Variants in ELP6 observed in about 807,000 individuals in gnomAD.
ELP6 encodes elongator acetyltransferase complex subunit 6.
ELP6 carries 23 observed loss-of-function variants against 28.1 expected under a neutral mutation model. The ratio of observed to expected loss-of-function variants is 0.82; its 90% CI spans 0.59 to 1.16. ELP6 has a LOEUF of 1.16. ELP6 is among the 50% of genes most tolerant of loss of function. The pLI, the probability that ELP6 is intolerant of heterozygous loss-of-function variation, is 0.00. For synonymous variants in ELP6, 132 were observed against 135.8 expected, an observed-to-expected ratio of 0.97 and a Z score of 0.19; for missense variants, 313 against 334.6, an observed-to-expected ratio of 0.94 and a Z score of 0.50.
Position 47,496,047 on chromosome 3 carries a change from C to A in ELP6, c.*22G>T, listed in dbSNP as rs1352282761. ...CACGTCCAAAAACAGTCCTATGTAG[C>A]TTCAGCTGCTCCGAAATCAGGTCAC... On this transcript the variant is annotated 3_prime_UTR_variant, in exon 7 of 7. Coordinates refer to ENST00000296149, the MANE Select transcript of ELP6 (RefSeq NM_001031703.3). 6.2e-7 allele frequency: 1 copy of A among 1,614,020 alleles called. No individual in the cohort carries two copies. Among genetic ancestry groups the A allele is most frequent in the Admixed American group, 1.7e-5 (1 of 59,990 alleles).
chr3:47,500,302 T>C (rs1036647313), intron 5 of ELP6: 52 of 999,478 alleles, frequency 5.2e-5, no homozygotes, highest in African/African-American at 7.0e-5. Context: ...TATGTGCATA[T>C]ACTTTGAGAG....
intron 1 of ELP6, chr3:47,512,744 C>T (rs1477526636): frequency 5.2e-6 from 5 of 964,890 alleles, no homozygotes; most frequent in Non-Finnish European, 6.2e-6. Flanking sequence ...TATTAGAGAT[C>T]ACAAGGAGGA....
At chr3:47,500,096 GA>G in intron 5 of ELP6, 4 of 1,209,832 alleles carry the variant, frequency 3.3e-6, no homozygotes, top group Non-Finnish European at 4.2e-6. Flanking sequence ...CGGCAGAAAG[GA>G]GGGACTGGCA....
chr3:47,508,613 T>C (rs960992437), intron 3 of ELP6, among the ~76,000 whole-genome samples: 16 of 152,166 alleles, frequency 1.1e-4, no homozygotes, highest in African/African-American at 3.6e-4. Context: ...TGGATTACAA[T>C]AGCTGATTTT....
chr3:47,511,020 C>G, intron 2 of ELP6, 128 bp downstream of exon 2: 1 of 717,514 alleles, frequency 1.4e-6, no homozygotes, highest in South Asian at 1.8e-5. Flanking sequence ...ATAAAATAGC[C>G]CCCCTAGGTA....
intron 1 of ELP6, chr3:47,511,476 A>G: frequency 1.5e-6 from 2 of 1,293,284 alleles, no homozygotes; most frequent in Non-Finnish European, 2.0e-6. Context: ...CCTCAAAGCA[A>G]ACAGAGAATA....
Position 47,513,676 on chromosome 3 carries a change from G to C in ELP6, c.-86C>G. 6.4e-7 allele frequency: 1 copy of C among 1,550,826 alleles called. No homozygotes were observed. The highest frequency in any genetic ancestry group is 8.8e-7 in the Non-Finnish European group (1 of 1,136,038). On this transcript the variant is annotated 5_prime_UTR_variant, in exon 1 of 7. Transcript: ENST00000296149. ...GCTGGAGAGCAAAACACACCCGACA[G>C]CCCGGCTCGCGCAAGGAAGCGCGCA...
At chr3:47,505,927 C>T (rs527954928) in intron 3 of ELP6, among the ~76,000 whole-genome samples, 4 of 152,172 alleles carry the variant, frequency 2.6e-5, no homozygotes, top group Middle Eastern at 3.4e-3. Flanking sequence ...AGGCTGGTCT[C>T]GAACTCCTGG....
chr3:47,513,498 G>A (rs757587709), intron 1 of ELP6, 39 bp downstream of exon 1: 3 of 1,601,966 alleles, frequency 1.9e-6, no homozygotes, highest in African/African-American at 1.3e-5. Context: ...CCGCTGCCCT[G>A]CCAGGTCCCG....
chr3:47,498,542 A>G, intron 5 of ELP6, 110 bp from the exon 6 acceptor site: 2 of 1,531,980 alleles, frequency 1.3e-6, no homozygotes, highest in South Asian at 2.5e-5. Context: ...CTCACAGATC[A>G]CCCTCCCTGC....
chr3:47,497,095 A>T, intron 6 of ELP6: 1 of 977,590 alleles, frequency 1.0e-6, no homozygotes, highest in Non-Finnish European at 1.2e-6. Flanking sequence ...AGCCACTCTT[A>T]TTGGGTCAGG....
intron 1 of ELP6, chr3:47,513,076 C>T: frequency 1.7e-5 from 16 of 937,254 alleles, no homozygotes; most frequent in Non-Finnish European, 1.9e-5. Flanking sequence ...CTGCAACCTC[C>T]GCCTCCCGGG....
rs2170814 is a variant in ELP6, at chr3:47,498,261, T to G, written c.672+25A>C. 5.0e-6 allele frequency: 8 copies of G among 1,611,792 alleles called. No individual in the cohort carries two copies. In the South Asian group the frequency reaches 8.8e-5, roughly 18 times the overall value. On this transcript the variant is annotated intron_variant, in intron 6 of 6. Transcript: ENST00000296149. ...ATCACAGGTACACGGGCAAGAAGCC[T>G]GTTGCCCAGGAGGCCCCTGCATACC...
chr3:47,512,095 T>C, intron 1 of ELP6: 1 of 985,126 alleles, frequency 1.0e-6, no homozygotes, highest in Non-Finnish European at 1.2e-6. Context: ...ATCAGAGTCA[T>C]CTGGACAAGA....
At chr3:47,503,325 C>T in intron 4 of ELP6, 2 of 1,288,340 alleles carry the variant, frequency 1.6e-6, no homozygotes, top group Non-Finnish European at 2.0e-6. Flanking sequence ...GAACAGCAGC[C>T]AAGCGGGGAG....
chr3:47,511,261 C>T, intron 1 of ELP6, 35 bp from the exon 2 acceptor site: 3 of 1,608,222 alleles, frequency 1.9e-6, no homozygotes, highest in Non-Finnish European at 2.6e-6. Flanking sequence ...AGGTTAGACT[C>T]CCTGGAAAGA....
intron 1 of ELP6, chr3:47,512,781 T>C (rs1157519580): frequency 1.1e-6 from 1 of 940,518 alleles, no homozygotes; most frequent in African/African-American, 1.8e-5. Flanking sequence ...CAGCGTTCAA[T>C]ACAATGTGCC....
At chr3:47,511,048 G>T in intron 2 of ELP6, 100 bp downstream of exon 2, 1 of 1,002,000 alleles carries the variant, frequency 1.0e-6, no homozygotes, top group Non-Finnish European at 1.5e-6. Flanking sequence ...ACCAAGGCTT[G>T]GCTTGTAAAT....
At chr3:47,513,469 G>A (rs1257163411) in intron 1 of ELP6, 68 bp downstream of exon 1, 14 of 1,577,972 alleles carry the variant, frequency 8.9e-6, no homozygotes, top group South Asian at 3.4e-5. Flanking sequence ...CGTGCGCACC[G>A]CCTCCCGGAT....
Sources: gnomAD v4.1 joint callset for allele counts (sites outside exome capture counted in the v4.1 genomes callset) on GRCh38, gnomAD v4.1.1 for gene constraint, MANE v1.5 for transcripts, NCBI Gene and HGNC (gene_info 2026-07-23, HGNC 2026-07-21) for gene names.